The following PRKDC variants were observed in gnomAD, a reference collection of about 807,000 sequenced individuals.
PRKDC encodes the protein DNA-dependent protein kinase catalytic subunit.
A neutral mutation model predicts 486.9 loss-of-function variants in PRKDC; 82 were observed. The observed-to-expected ratio is 0.17, with a 90% CI of 0.14 to 0.20. The LOEUF is 0.20. Ranked by LOEUF, PRKDC falls within the 10% of genes least tolerant of loss-of-function variation. PRKDC has a pLI of 1.00. For missense variants in PRKDC, 4,504 were observed against 5,038.2 expected (o/e 0.89, Z 3.21); for synonymous variants, 1,895 against 1,837.0 (o/e 1.03, Z -0.81).
At chr8:47,934,683 C>A (rs1336967461) in intron 14 of PRKDC, among the ~76,000 whole-genome samples, 1 of 152,208 alleles carries the variant, frequency 6.6e-6, no homozygotes, top group Non-Finnish European at 1.5e-5. Context: ...TTCAATCTTT[C>A]ATCTCATCAT....
rs773557729 is a variant in PRKDC, at chr8:47,855,286, G to A, written c.6697C>T (p.His2233Tyr). ...AGGGTCTTTATAATTTCAAGGTTGT[G>A]TCTAAACACAGCTCTTTTTGGATGA... is the stretch of plus-strand genomic sequence containing the variant. ...VFHPKRAVFRHNLEIIKTLVE... is the reference protein window; with the variant it reads ...VFHPKRAVFRYNLEIIKTLVE... Residue 2233 changes from histidine (H) to tyrosine (Y), a missense_variant, in exon 50 of 86, where the codon CAC (histidine) becomes TAC (tyrosine). Physicochemically the swap from His to Tyr is moderately conservative, Grantham distance 83. This residue lies in a region of PRKDC where 1,592 missense variants were observed against 1,724.6 expected (regional missense o/e 0.92). Coordinates refer to ENST00000314191, the MANE Select transcript of PRKDC (RefSeq NM_006904.7). 1.9e-6 allele frequency: 3 copies of A among 1,603,300 alleles called. No homozygotes were observed. Among genetic ancestry groups the A allele is most frequent in the Non-Finnish European group, 2.6e-6 (3 of 1,174,182 alleles).
In PRKDC at chr8:47,827,124, A is replaced by T. The variant is rs1401725056; in HGVS notation, c.8578-263T>A. 1.3e-4 allele frequency among the ~76,000 whole-genome samples: 14 copies of T among 108,088 alleles called. No homozygotes were observed. The East Asian group carries it at 4.3e-3, about 33-fold the overall frequency. The allele number at this position is 108,088 out of a possible 152,430, so 70.9% of individuals were successfully genotyped here. A position where few individuals can be genotyped will look rare whatever the true frequency, so the allele number is the denominator to read the frequency against. Reference sequence around the variant, plus strand: ...ACCTATCAAAATATGAAGATCACACACACACACACACACACACACACACAC... The same window carrying T: ...ACCTATCAAAATATGAAGATCACACTCACACACACACACACACACACACAC... On this transcript the variant is annotated intron_variant, in intron 62 of 85. Coordinates refer to ENST00000314191, the MANE Select transcript of PRKDC (RefSeq NM_006904.7).
intron 61 of PRKDC, among the ~76,000 whole-genome samples, chr8:47,829,139 T>C (rs1171130009): frequency 6.6e-6 from 1 of 152,260 alleles, no homozygotes; most frequent in Non-Finnish European, 1.5e-5. Flanking sequence ...TTTTCTATCA[T>C]ATTATAATTG....
chr8:47,956,293 C>G (rs534591892), intron 3 of PRKDC, among the ~76,000 whole-genome samples: 9 of 152,038 alleles, frequency 5.9e-5, no homozygotes, highest in Non-Finnish European at 1.2e-4. Context: ...ACCCGGGAGA[C>G]GGAGGTTGCA....
intron 22 of PRKDC, among the ~76,000 whole-genome samples, chr8:47,918,036 A>G (rs994614639): frequency 2.0e-5 from 3 of 151,972 alleles, no homozygotes; most frequent in Non-Finnish European, 2.9e-5. Context: ...TAATAGAGAC[A>G]GGGTCTTCCT....
intron 7 of PRKDC, among the ~76,000 whole-genome samples, chr8:47,948,205 G>A (rs563559744): frequency 8.6e-5 from 13 of 151,846 alleles, no homozygotes; most frequent in Non-Finnish European, 1.8e-4. Context: ...GGGCAGTGGC[G>A]CGATCTCGGG....
intron 80 of PRKDC, among the ~76,000 whole-genome samples, 184 bp downstream of exon 80, chr8:47,781,978 A>G (rs2086706527): frequency 1.3e-5 from 2 of 152,204 alleles, no homozygotes; most frequent in South Asian, 4.1e-4. Context: ...AATATTTTGT[A>G]TTACGGTAAA....
At chr8:47,831,677 G>T in intron 60 of PRKDC, 137 bp downstream of exon 60, 1 of 858,064 alleles carries the variant, frequency 1.2e-6, no homozygotes, top group Middle Eastern at 2.4e-4. Flanking sequence ...AGCCCCAGGA[G>T]GCTGGTTTGG....
intron 48 of PRKDC, 41 bp downstream of exon 48, chr8:47,858,475 C>T (rs1490238277): frequency 1.0e-5 from 14 of 1,405,090 alleles, no homozygotes; most frequent in Non-Finnish European, 1.3e-5. Context: ...AACAGACTTA[C>T]AGAATCTATT....
At chr8:47,842,442 A>G (rs1589735776) in intron 54 of PRKDC, among the ~76,000 whole-genome samples, 2 of 152,264 alleles carry the variant, frequency 1.3e-5, no homozygotes, top group African/African-American at 2.4e-5. Flanking sequence ...GATCCTATAC[A>G]GGAGAGATCC....
chr8:47,927,952 A>C (rs2090180930), intron 19 of PRKDC, 62 bp from the exon 20 acceptor site: 1 of 1,331,244 alleles, frequency 7.5e-7, no homozygotes, highest in Non-Finnish European at 9.7e-7. Context: ...AAATCAACTA[A>C]AAAGTATTTG....
Position 47,859,652 on chromosome 8 carries a change from A to T in PRKDC, c.6166T>A (p.Ser2056Thr), listed in dbSNP as rs1398593690. The part of the protein sequence containing the change: ...STGVQSYSYS[S>T]QDPRPATGRF... ...CCAGTGGCAGGTCTAGGGTCTTGGG[A>T]GCTGTATGAATAGCTCTGAACTCCG... is the stretch of plus-strand genomic sequence containing the variant. Residue 2056 changes from serine to threonine, a missense_variant, in exon 46 of 86, where the codon TCC becomes ACC. By Grantham distance (58) the Ser-to-Thr change is moderately conservative (BLOSUM62 1). Coordinates refer to ENST00000314191, the MANE Select transcript of PRKDC (RefSeq NM_006904.7). 6.2e-7 allele frequency: 1 copy of T among 1,613,802 alleles called. No homozygotes were observed. The highest frequency in any genetic ancestry group is 1.3e-5 in the African/African-American group (1 of 74,902).
intron 39 of PRKDC, among the ~76,000 whole-genome samples, chr8:47,878,942 A>G (rs1431333724): frequency 6.6e-6 from 1 of 152,160 alleles, no homozygotes; most frequent in Non-Finnish European, 1.5e-5. Context: ...CAAACATTCC[A>G]AAATCCGAAA....
At chr8:47,958,597 G>A (rs1302938908) in intron 1 of PRKDC, among the ~76,000 whole-genome samples, 4 of 152,126 alleles carry the variant, frequency 2.6e-5, no homozygotes, top group Non-Finnish European at 5.9e-5. Flanking sequence ...GTTACTAAAC[G>A]AACAAAAATG....
In PRKDC at chr8:47,803,415, A is replaced by G. The variant is rs1563742833; in HGVS notation, c.9813T>C (p.Asp3271=). The G allele has an allele frequency of 5.0e-6, 8 of 1,613,968 alleles. No individual in the cohort carries two copies. The highest frequency in any genetic ancestry group is 1.1e-5 in the South Asian group (1 of 91,082). Residue 3271 remains aspartate, a synonymous_variant, in exon 70 of 86, where the codon GAT becomes GAC. Transcript: ENST00000314191. ...AGCTCTGCACCCAGCTCACCAGCCA[A>G]TCGTCTCTGGTTTTTGACTCTTTAT... is the stretch of plus-strand genomic sequence containing the variant. ...ELHKESKTRD[D]WLVSWVQSYC...
chr8:47,928,448 T>C (rs2090191317), intron 19 of PRKDC, among the ~76,000 whole-genome samples: 1 of 152,112 alleles, frequency 6.6e-6, no homozygotes, highest in Admixed American at 6.5e-5. Flanking sequence ...CCAAAGTGCC[T>C]GGCTGAGGGA....
Position 47,798,440 on chromosome 8 carries a change from C to G in PRKDC, c.10298-43G>C, listed in dbSNP as rs769779999. On this transcript the variant is annotated intron_variant, in intron 72 of 85. Coordinates refer to ENST00000314191, the MANE Select transcript of PRKDC (RefSeq NM_006904.7). ...GAAGAAAGCAATGGTCAATGTATCC[C>G]AATATCCATAAACTATGATGTTAAA... 16 of 1,509,964 alleles carry G rather than the reference C, an allele frequency of 1.1e-5. No individual in the cohort carries two copies. The Admixed American group carries it at 1.6e-4, about 15-fold the overall frequency. 93.5% of individuals were successfully genotyped at this position (1,509,964 alleles called of 1,614,324 possible).
chr8:47,957,309 A>C, intron 2 of PRKDC, 46 bp from the exon 3 acceptor site: 1 of 1,581,078 alleles, frequency 6.3e-7, no homozygotes, highest in Non-Finnish European at 8.7e-7. Context: ...AAGAGGAGTC[A>C]CTCCAGGAAT....
intron 7 of PRKDC, among the ~76,000 whole-genome samples, chr8:47,948,734 T>G (rs1407481833): frequency 6.6e-6 from 1 of 152,186 alleles, no homozygotes; most frequent in Non-Finnish European, 1.5e-5. Flanking sequence ...AGTGCTGGGA[T>G]TACAGGCGTG....
Sources: allele counts gnomAD v4.1 joint callset (sites outside exome capture counted in the v4.1 genomes callset), GRCh38; gene constraint gnomAD v4.1.1; regional missense constraint gnomAD v4.1.1; transcripts MANE v1.5; gene names NCBI Gene and HGNC (gene_info 2026-07-23, HGNC 2026-07-21).